Variants in JAKMIP3 observed in about 807,000 individuals in gnomAD.
JAKMIP3 encodes the protein Janus kinase and microtubule interacting protein 3.
A neutral mutation model predicts 118.5 loss-of-function variants in JAKMIP3; 58 were observed. The ratio of observed to expected loss-of-function variants is 0.49; its 90% CI spans 0.40 to 0.61. The LOEUF is 0.61. Among genes scored for constraint, JAKMIP3 ranks in the 20% least tolerant of loss-of-function variants. The pLI, the probability that JAKMIP3 is intolerant of heterozygous loss-of-function variation, is 0.00. For synonymous variants in JAKMIP3, 486 were observed against 451.2 expected (o/e 1.08, Z -0.98); for missense variants, 950 against 1,109.0 (o/e 0.86, Z 2.04).
At chr10:132,082,865 G>A (rs7911287) in intron 1 of JAKMIP3, among the ~76,000 whole-genome samples, 4 of 152,008 alleles carry the variant, frequency 2.6e-5, no homozygotes, top group African/African-American at 9.7e-5. Flanking sequence ...CGCCTTGGCC[G>A]CCCAAAGTGC....
At chr10:132,045,043 A>G (rs1206648718) in intron 1 of JAKMIP3, among the ~76,000 whole-genome samples, 2 of 152,092 alleles carry the variant, frequency 1.3e-5, no homozygotes, top group Non-Finnish European at 2.9e-5. Context: ...TCATGCTGCT[A>G]TGAACAGGGA....
At chr10:132,131,128 G>C (rs2050484666) in intron 3 of JAKMIP3, among the ~76,000 whole-genome samples, 1 of 152,040 alleles carries the variant, frequency 6.6e-6, no homozygotes, top group South Asian at 2.1e-4. Context: ...TCTGCAGCTG[G>C]GAGTGAGGAG....
intron 1 of JAKMIP3, among the ~76,000 whole-genome samples, chr10:132,051,818 G>T (rs1216802039): frequency 6.6e-6 from 1 of 152,110 alleles, no homozygotes; most frequent in East Asian, 1.9e-4. Context: ...CATTGCCCAG[G>T]TTGCTCTCAA....
intron 23 of JAKMIP3, among the ~76,000 whole-genome samples, chr10:132,176,088 A>G (rs1442766767): frequency 6.6e-6 from 1 of 152,136 alleles, no homozygotes; most frequent in Non-Finnish European, 1.5e-5. Context: ...CAGGGGGCGG[A>G]GTCTTCAAGG....
chr10:132,066,397 G>GT (rs934696445), intron 1 of JAKMIP3, among the ~76,000 whole-genome samples: 2 of 152,222 alleles, frequency 1.3e-5, no homozygotes, highest in African/African-American at 4.8e-5. Flanking sequence ...GGTGGGGTGG[G>GT]TTGGGGAAGC....
Position 132,120,071 on chromosome 10 carries a change from C to T in JAKMIP3, c.633+2497C>T, listed in dbSNP as rs565392908. 2.0e-5 allele frequency among the ~76,000 whole-genome samples: 3 copies of T among 152,346 alleles called. No individual in the cohort carries two copies. The South Asian group carries it at 6.2e-4, about 32-fold the overall frequency. On this transcript the variant is annotated intron_variant, in intron 3 of 23. Transcript: ENST00000684848. ...GCCTAGTCAGAGACAAAGGCACAGG[C>T]CTCCCAGGGTCAGGTCGTCCCCAGG...
At chr10:132,087,481 C>T (rs1356705185) in intron 1 of JAKMIP3, among the ~76,000 whole-genome samples, 3 of 152,040 alleles carry the variant, frequency 2.0e-5, no homozygotes, top group Non-Finnish European at 2.9e-5. Context: ...TTCTCTTCTT[C>T]AAAAATGCCA....
chr10:132,133,236 G>A, intron 3 of JAKMIP3, 76 bp from the exon 4 acceptor site: 1 of 1,268,240 alleles, frequency 7.9e-7, no homozygotes, highest in Non-Finnish European at 1.1e-6. Flanking sequence ...GAGCCTGGCA[G>A]GGCTGCGCCC....
intron 2 of JAKMIP3, among the ~76,000 whole-genome samples, chr10:132,111,352 C>CCT (rs2046840280): frequency 6.6e-6 from 1 of 151,704 alleles, no homozygotes; most frequent in South Asian, 2.1e-4. Flanking sequence ...AGCAGAGACC[C>CCT]CCCCCATGAG....
At chr10:132,053,644 C>T (rs2038154942) in intron 1 of JAKMIP3, among the ~76,000 whole-genome samples, 1 of 152,180 alleles carries the variant, frequency 6.6e-6, no homozygotes. Flanking sequence ...CTGACCTCAC[C>T]TCGCTTGCCA....
chr10:132,045,326 C>T (rs1296311011), intron 1 of JAKMIP3, among the ~76,000 whole-genome samples: 3 of 152,214 alleles, frequency 2.0e-5, no homozygotes, highest in African/African-American at 7.2e-5. Context: ...CTTCTCCCTT[C>T]TTCCTGATGT....
intron 10 of JAKMIP3, among the ~76,000 whole-genome samples, chr10:132,141,459 G>A (rs76696502): frequency 0.015 from 2,249 of 152,290 alleles, 58 homozygotes; most frequent in African/African-American, 0.051. Context: ...CACCTGGGAG[G>A]AGACGTGCTG....
chr10:132,154,797 T>C (rs1034542939), intron 19 of JAKMIP3, among the ~76,000 whole-genome samples: 2 of 151,282 alleles, frequency 1.3e-5, no homozygotes, highest in African/African-American at 4.9e-5. Context: ...ATGATGACAA[T>C]GGTGGTGGTG....
Position 132,180,760 on chromosome 10 carries a change from CGTGTGTGTGCGT to C in JAKMIP3, c.*1104-1587_*1104-1576del, listed in dbSNP as rs1565022224. On this transcript the variant is annotated intron_variant, in intron 23 of 23. Coordinates refer to ENST00000684848, the MANE Select transcript of JAKMIP3 (RefSeq NM_001323087.2). Reference sequence around the variant, plus strand: ...GTGCGTGCGTGCGCGCGCGTGTGTGCGTGTGTGTGCGTGTGTGTGTGTGCGCGTATGCATGTG... The same window carrying C: ...GTGCGTGCGTGCGCGCGCGTGTGTGCGTGTGTGTGTGCGCGTATGCATGTG... Among the ~76,000 whole-genome samples the C allele has an allele frequency of 8.8e-4, 13 of 14,732 alleles. 2 individuals are homozygous for C. The highest frequency in any genetic ancestry group is 3.7e-3 in the African/African-American group (9 of 2,404). 9.7% of individuals were successfully genotyped at this position (14,732 alleles called of 152,430 possible). A position where few individuals can be genotyped will look rare whatever the true frequency, so the allele number is the denominator to read the frequency against.
chr10:132,109,861 C>T (rs2046582045), intron 2 of JAKMIP3, among the ~76,000 whole-genome samples: 1 of 152,208 alleles, frequency 6.6e-6, no homozygotes, highest in African/African-American at 2.4e-5. Flanking sequence ...CTTGATTTGC[C>T]AAACACTTGC....
At position 132,049,235 on chromosome 10, in the gene JAKMIP3, A is replaced by AG. The variant is rs916343996; in HGVS notation, c.-138+12500dup. Among the ~76,000 whole-genome samples the AG allele has an allele frequency of 1.3e-5, 2 of 152,116 alleles. No individual in the cohort carries two copies. The highest frequency in any genetic ancestry group is 4.8e-5 in the African/African-American group (2 of 41,414). On this transcript the variant is annotated intron_variant, in intron 1 of 23. Coordinates refer to the JAKMIP3 transcript ENST00000657785. The surrounding 1 kb of genome is among the most constrained non-coding windows in gnomAD (Gnocchi z 4.3). ...CGTGGATTCGGGTCTGTTTCTATGT[A>AG]GGGACGGTCTTCCGGGAGCACAGCT...
At chr10:132,177,192 G>T (rs898573465) in intron 23 of JAKMIP3, among the ~76,000 whole-genome samples, 6 of 152,240 alleles carry the variant, frequency 3.9e-5, no homozygotes, top group African/African-American at 1.4e-4. Flanking sequence ...AAGCAATAAT[G>T]GATCCTTTTA....
At chr10:132,162,137 A>C (rs73397699) in intron 19 of JAKMIP3, among the ~76,000 whole-genome samples, 8,413 of 151,838 alleles carry the variant, frequency 0.055, 908 homozygotes, top group African/African-American at 0.18. Context: ...CTTCTGGGAG[A>C]CACTGGGGCA....
chr10:132,137,531 T>A (rs1355650595), intron 8 of JAKMIP3, among the ~76,000 whole-genome samples: 1 of 152,160 alleles, frequency 6.6e-6, no homozygotes, highest in Non-Finnish European at 1.5e-5. Flanking sequence ...CAGCACCAGC[T>A]TGGGACGATC....
Sources: gnomAD v4.1 joint callset for allele counts (sites outside exome capture counted in the v4.1 genomes callset) on GRCh38, gnomAD v4.1.1 for gene constraint, Gnocchi (gnomAD v3.1) non-coding constraint, MANE v1.5 for transcripts, NCBI Gene and HGNC (gene_info 2026-07-23, HGNC 2026-07-21) for gene names.